Variants in ZNF385D observed in about 807,000 individuals in gnomAD.
ZNF385D encodes the protein zinc finger protein 659.
In ZNF385D, 15 loss-of-function variants were observed where a neutral mutation model predicts 35.8. The ratio of observed to expected loss-of-function variants is 0.42; its 90% CI spans 0.28 to 0.64. The LOEUF (loss-of-function observed/expected upper bound fraction) is 0.64. Among genes scored for constraint, ZNF385D ranks in the 30% least tolerant of loss-of-function variants. The pLI is 0.23. For missense variants in ZNF385D, 474 were observed against 494.6 expected, an observed-to-expected ratio of 0.96 and a Z score of 0.39; for synonymous variants, 212 against 186.8, an observed-to-expected ratio of 1.13 and a Z score of -1.10.
chr3:22,091,539 A>C (rs898748767), intron 3 of ZNF385D, among the ~76,000 whole-genome samples: 2 of 152,088 alleles, frequency 1.3e-5, no homozygotes, highest in African/African-American at 4.8e-5. Flanking sequence ...TGTTCCTAGG[A>C]ATGAAATACA....
chr3:22,300,505 TA>T (rs1702842338), intron 2 of ZNF385D, among the ~76,000 whole-genome samples: 1 of 151,802 alleles, frequency 6.6e-6, no homozygotes, highest in Non-Finnish European at 1.5e-5. Context: ...AGAGACAACC[TA>T]TAGATGACCA....
chr3:21,921,842 G>GA (rs71780202), intron 3 of ZNF385D, among the ~76,000 whole-genome samples: 45,159 of 140,532 alleles, frequency 0.32, 7,387 homozygotes, highest in African/African-American at 0.41. Context: ...AATCAGTAAT[G>GA]AAAAAAAAAA....
chr3:22,065,244 A>C (rs1370521245), intron 3 of ZNF385D, among the ~76,000 whole-genome samples: 2 of 152,184 alleles, frequency 1.3e-5, no homozygotes, highest in African/African-American at 4.8e-5. Context: ...TTGCCAAAAG[A>C]AGCACTGATA....
chr3:21,892,747 T>C (rs1158035694), intron 3 of ZNF385D, among the ~76,000 whole-genome samples: 5 of 152,156 alleles, frequency 3.3e-5, no homozygotes, highest in African/African-American at 4.8e-5. Context: ...TCTATAGCCC[T>C]CTGAAGTTAA....
intron 2 of ZNF385D, among the ~76,000 whole-genome samples, chr3:22,339,895 C>T (rs143474154): frequency 1.3e-5 from 2 of 152,310 alleles, no homozygotes; most frequent in Non-Finnish European, 2.9e-5. Flanking sequence ...TCTGATCCTA[C>T]TCAGTTTCTC....
intron 2 of ZNF385D, among the ~76,000 whole-genome samples, chr3:22,234,902 T>G (rs1699091983): frequency 6.6e-6 from 1 of 152,110 alleles, no homozygotes; most frequent in Non-Finnish European, 1.5e-5. Context: ...TCTTAAATAA[T>G]GTACTTAGAG....
At chr3:21,971,950 A>C (rs1439366543) in intron 3 of ZNF385D, among the ~76,000 whole-genome samples, 1 of 152,020 alleles carries the variant, frequency 6.6e-6, no homozygotes, top group Non-Finnish European at 1.5e-5. Flanking sequence ...GGACACCCAG[A>C]TATATAAAGC....
At chr3:21,634,870 GACA>G (rs2065383157) in intron 2 of ZNF385D, among the ~76,000 whole-genome samples, 1 of 151,406 alleles carries the variant, frequency 6.6e-6, no homozygotes, top group Admixed American at 6.6e-5. Flanking sequence ...TTTATGAAGA[GACA>G]ACAATTGTCA....
intron 2 of ZNF385D, among the ~76,000 whole-genome samples, chr3:21,631,414 C>G (rs1007938308): frequency 3.3e-5 from 5 of 152,060 alleles, no homozygotes; most frequent in Non-Finnish European, 5.9e-5. Context: ...ATCTCCCCAC[C>G]CTACTACCAT....
rs148921863 is a variant in ZNF385D, at chr3:22,117,267, A to C, written c.325+51550T>G. 1.2e-3 allele frequency among the ~76,000 whole-genome samples: 190 copies of C among 152,154 alleles called. 1 individual carries two copies. The highest frequency in any genetic ancestry group is 4.4e-3 in the African/African-American group (182 of 41,554). On this transcript the variant is annotated intron_variant, in intron 3 of 5. Coordinates refer to the ZNF385D transcript ENST00000494108. ...TGGGCTCCCTAGGGGATTAAATAGG[A>C]ACTCAGAGCAATATACTTTGAGCAA...
At chr3:21,804,779 AT>A (rs11337014) in intron 3 of ZNF385D, among the ~76,000 whole-genome samples, 93,050 of 152,002 alleles carry the variant, frequency 0.61, 28,741 homozygotes, top group African/African-American at 0.68. Flanking sequence ...AGGTTAAGTA[AT>A]TTGTTCAAGA....
At chr3:21,637,582 G>A (rs1416357028) in intron 2 of ZNF385D, among the ~76,000 whole-genome samples, 1 of 152,002 alleles carries the variant, frequency 6.6e-6, no homozygotes, top group Non-Finnish European at 1.5e-5. Context: ...TCTTGCTTTG[G>A]CTATGCGGGT....
At chr3:22,304,055 C>T (rs950639627) in intron 2 of ZNF385D, among the ~76,000 whole-genome samples, 13 of 152,108 alleles carry the variant, frequency 8.5e-5, no homozygotes, top group African/African-American at 2.9e-4. Flanking sequence ...GGATTACAGG[C>T]GTGAGTCACC....
intron 3 of ZNF385D, among the ~76,000 whole-genome samples, chr3:21,769,455 G>C (rs565875575): frequency 7.8e-6 from 1 of 127,584 alleles, no homozygotes; most frequent in Non-Finnish European, 1.6e-5. Context: ...ACACACAAGA[G>C]AGCCAAATCA....
chr3:21,718,345 C>T (rs1047276528), intron 1 of ZNF385D, among the ~76,000 whole-genome samples: 1 of 152,190 alleles, frequency 6.6e-6, no homozygotes, highest in African/African-American at 2.4e-5. Context: ...CCAGAGAAAC[C>T]CTTCCAGGGA....
At chr3:21,759,187 G>C (rs1035683421) in intron 3 of ZNF385D, among the ~76,000 whole-genome samples, 1 of 151,958 alleles carries the variant, frequency 6.6e-6, no homozygotes, top group East Asian at 1.9e-4. Flanking sequence ...TAAGGGTCTG[G>C]TAAAAGATGA....
chr3:22,260,362 G>A (rs1477581903), intron 2 of ZNF385D, among the ~76,000 whole-genome samples: 2 of 151,952 alleles, frequency 1.3e-5, no homozygotes, highest in African/African-American at 4.8e-5. Flanking sequence ...TGGGCGGCAA[G>A]GGGAGGGAGA....
At chr3:21,904,622 G>A in intron 3 of ZNF385D, among the ~76,000 whole-genome samples, 1 of 152,040 alleles carries the variant, frequency 6.6e-6, no homozygotes, top group Non-Finnish European at 1.5e-5. Context: ...GATATTTCCA[G>A]CCCTAATGCA....
At chr3:21,524,771 G>A (rs1413684688) in intron 3 of ZNF385D, among the ~76,000 whole-genome samples, 5 of 152,086 alleles carry the variant, frequency 3.3e-5, no homozygotes, top group South Asian at 2.1e-4. Context: ...TAACATTTAC[G>A]GAAATCTTAT....
Sources: allele counts gnomAD v4.1 joint callset (sites outside exome capture counted in the v4.1 genomes callset), GRCh38; gene constraint gnomAD v4.1.1; transcripts MANE v1.5; gene names NCBI Gene and HGNC (gene_info 2026-07-23, HGNC 2026-07-21).